RAP1A: variants seen among roughly 807,000 people sequenced by gnomAD.
The protein encoded by RAP1A is ras-related protein Rap-1A.
A neutral mutation model predicts 26.4 loss-of-function variants in RAP1A; 6 were observed. That is an observed-to-expected ratio of 0.23 (90% confidence interval 0.12 to 0.45). The LOEUF (loss-of-function observed/expected upper bound fraction) is 0.45, where lower values mean the gene tolerates loss of function less well. Ranked by LOEUF, RAP1A falls within the 20% of genes least tolerant of loss-of-function variation. The probability of loss-of-function intolerance (pLI) is 0.99; values close to 1 mark genes in which losing one functional copy is unlikely to be tolerated. For missense variants in RAP1A, 121 were observed against 217.2 expected (o/e 0.56, Z 2.78); for synonymous variants, 73 against 79.4 (o/e 0.92, Z 0.43).
intron 1 of RAP1A, among the ~76,000 whole-genome samples, chr1:111,655,180 T>A (rs1242605694): frequency 2.0e-5 from 3 of 149,464 alleles, no homozygotes; most frequent in Non-Finnish European, 4.4e-5. Flanking sequence ...ACCAAACTCA[T>A]GAGCTATGAG....
chr1:111,552,314 G>A (rs1657296774), intron 1 of RAP1A, among the ~76,000 whole-genome samples: 1 of 152,202 alleles, frequency 6.6e-6, no homozygotes, highest in African/African-American at 2.4e-5. Flanking sequence ...ATCTGCCACT[G>A]AGCTGGGGAG....
intron 1 of RAP1A, among the ~76,000 whole-genome samples, chr1:111,685,262 A>G (rs1254732482): frequency 6.6e-6 from 1 of 152,166 alleles, no homozygotes; most frequent in Non-Finnish European, 1.5e-5. Flanking sequence ...ACGAAAGCCA[A>G]AATGCCACAA....
rs574992313 is a variant in RAP1A, at chr1:111,665,179, A to C, written c.-27-26155A>C. Among the ~76,000 whole-genome samples, 74 of 152,332 alleles carry C rather than the reference A, an allele frequency of 4.9e-4. 2 individuals are homozygous for C. In the South Asian group the frequency reaches 0.015, roughly 32 times the overall value. ...ACGGTTTTACTTTCCCTTCAAGGAA[A>C]GGTTATAACATTTTAGCTGGATAAT... is the stretch of plus-strand genomic sequence containing the variant. On this transcript the variant is annotated intron_variant, in intron 1 of 7. Coordinates refer to ENST00000369709, the MANE Select transcript of RAP1A (RefSeq NM_002884.4).
At chr1:111,664,392 A>AAAAAAAC (rs1557883434) in intron 1 of RAP1A, among the ~76,000 whole-genome samples, 106 of 140,714 alleles carry the variant, frequency 7.5e-4, no homozygotes, top group African/African-American at 9.2e-4. Context: ...AAAAAAAAAA[A>AAAAAAAC]AAAAAACAAA....
chr1:111,653,399 GGGCCAGGCGCGGT>G (rs1219863885), intron 1 of RAP1A, among the ~76,000 whole-genome samples: 2 of 151,960 alleles, frequency 1.3e-5, no homozygotes, highest in Non-Finnish European at 2.9e-5. Context: ...TGAAAATGGT[GGGCCAGGCGCGGT>G]GGCTCACGCC....
intron 1 of RAP1A, among the ~76,000 whole-genome samples, chr1:111,590,615 G>C (rs1310368322): frequency 1.3e-5 from 2 of 150,618 alleles, no homozygotes; most frequent in Admixed American, 1.3e-4. Context: ...TTAAGAGATG[G>C]GGTCTCATTT....
chr1:111,576,702 T>C (rs952089843), intron 1 of RAP1A, among the ~76,000 whole-genome samples: 2 of 152,182 alleles, frequency 1.3e-5, no homozygotes, highest in African/African-American at 2.4e-5. Context: ...AGCTAATGTT[T>C]GGTTTCCTTA....
exon 1 of RAP1A, chr1:111,542,411 T>C (rs1384002093): frequency 8.6e-6 from 2 of 232,738 alleles, no homozygotes; most frequent in Non-Finnish European, 8.9e-6. Context: ...GGACCTCCAT[T>C]TATTTGGTGA....
At chr1:111,701,516 C>G (rs1414262889) in intron 4 of RAP1A, among the ~76,000 whole-genome samples, 4 of 152,182 alleles carry the variant, frequency 2.6e-5, no homozygotes, top group Admixed American at 6.5e-5. Context: ...GTATACTCCT[C>G]CAGGGCAGAA....
chr1:111,655,801 G>A (rs1431333008), intron 1 of RAP1A, among the ~76,000 whole-genome samples: 2 of 151,472 alleles, frequency 1.3e-5, no homozygotes, highest in African/African-American at 4.9e-5. Context: ...AGCCTCCCGA[G>A]TAGCTGGGAC....
intron 4 of RAP1A, among the ~76,000 whole-genome samples, chr1:111,698,567 C>T (rs1356917289): frequency 6.6e-6 from 1 of 152,044 alleles, no homozygotes. Context: ...TGGCACCTGG[C>T]TGGCATTTTT....
At chr1:111,656,296 C>G (rs1660457408) in intron 1 of RAP1A, among the ~76,000 whole-genome samples, 1 of 152,106 alleles carries the variant, frequency 6.6e-6, no homozygotes, top group Non-Finnish European at 1.5e-5. Flanking sequence ...TAATGTCAAG[C>G]AGTAAACCTA....
exon 1 of RAP1A, chr1:111,542,224 C>A: frequency 3.3e-6 from 2 of 600,866 alleles, no homozygotes; most frequent in South Asian, 2.8e-5. Flanking sequence ...AGACATCCTT[C>A]GCGTACTGAC....
At chr1:111,690,899 G>A (rs1661645520) in intron 1 of RAP1A, among the ~76,000 whole-genome samples, 2 of 152,128 alleles carry the variant, frequency 1.3e-5, no homozygotes, top group African/African-American at 2.4e-5. Context: ...GAACAAAATA[G>A]TATAGAATTA....
chr1:111,574,590 A>G (rs1243906582), intron 1 of RAP1A, among the ~76,000 whole-genome samples: 2 of 152,240 alleles, frequency 1.3e-5, no homozygotes, highest in Admixed American at 1.3e-4. Flanking sequence ...ATCCATGAAC[A>G]TGGAAGGTTT....
intron 1 of RAP1A, among the ~76,000 whole-genome samples, chr1:111,595,056 T>C (rs1435228839): frequency 1.3e-5 from 2 of 152,232 alleles, no homozygotes; most frequent in Non-Finnish European, 2.9e-5. Context: ...TGTTATCATA[T>C]AGAAAATTAT....
intron 1 of RAP1A, among the ~76,000 whole-genome samples, chr1:111,620,485 A>G (rs756703478): frequency 1.5e-4 from 23 of 152,122 alleles, no homozygotes; most frequent in African/African-American, 2.7e-4. Flanking sequence ...GGTTGGGTGA[A>G]TTCTCTGTCC....
At chr1:111,572,550 G>A (rs1406637470) in intron 1 of RAP1A, among the ~76,000 whole-genome samples, 5 of 152,204 alleles carry the variant, frequency 3.3e-5, no homozygotes, top group Non-Finnish European at 7.3e-5. Context: ...TTCAGCAGTA[G>A]AGACAGGCCT....
intron 1 of RAP1A, among the ~76,000 whole-genome samples, chr1:111,609,300 G>C (rs1464033944): frequency 6.6e-6 from 1 of 152,094 alleles, no homozygotes; most frequent in Non-Finnish European, 1.5e-5. Flanking sequence ...AAGCCCAAGT[G>C]AGACCTTCAA....
Sources: gnomAD v4.1 joint callset for allele counts (sites outside exome capture counted in the v4.1 genomes callset) on GRCh38, gnomAD v4.1.1 for gene constraint, MANE v1.5 for transcripts, NCBI Gene and HGNC (gene_info 2026-07-23, HGNC 2026-07-21) for gene names.